Variants in RYR3 observed in about 807,000 individuals in gnomAD.
The protein encoded by RYR3 is ryanodine receptor 3.
RYR3 carries 207 observed loss-of-function variants against 584.3 expected under a neutral mutation model. That is an observed-to-expected ratio of 0.35 (90% CI 0.32 to 0.40). RYR3 has a LOEUF of 0.40. Ranked by LOEUF, RYR3 falls within the 10% of genes least tolerant of loss-of-function variation. RYR3 has a pLI of 1.00. For missense variants in RYR3, 5,616 were observed against 6,089.2 expected (o/e 0.92, Z 2.59); for synonymous variants, 2,416 against 2,248.5 (o/e 1.07, Z -2.11).
At chr15:33,688,302 G>C (rs545400093) in intron 38 of RYR3, among the ~76,000 whole-genome samples, 6 of 152,176 alleles carry the variant, frequency 3.9e-5, no homozygotes, top group African/African-American at 1.4e-4. Flanking sequence ...GGCTGGGCAC[G>C]GTGGCTCACA....
chr15:33,769,117 G>C lies in RYR3; in HGVS notation c.8761G>C (p.Asp2921His). 1.2e-6 allele frequency: 2 copies of C among 1,611,844 alleles called. No individual in the cohort carries two copies. The highest frequency in any genetic ancestry group is 1.7e-6 in the Non-Finnish European group (2 of 1,177,986). The change falls in exon 62 of 104, where the codon GAT (aspartate) becomes CAT (histidine). Residue 2921 changes from aspartate (D) to histidine (H), a missense_variant. Asp to His is a moderately conservative substitution (Grantham distance 81, BLOSUM62 -1). Transcript: ENST00000634891. ...GATGATTTTTTTTATTCCAGGTAGT[G>C]ATTCTACTACAATGGTGAGCTGTCT... Reference protein sequence around the residue: ...VRHRISLFGSDSTTMVSCLHI... With the variant: ...VRHRISLFGSHSTTMVSCLHI...
chr15:33,502,932 ATAAAG>A (rs1272000985), intron 2 of RYR3, among the ~76,000 whole-genome samples: 3 of 152,236 alleles, frequency 2.0e-5, no homozygotes, highest in Non-Finnish European at 1.5e-5. Context: ...AGTACCTGGC[ATAAAG>A]TACTCAATAA....
At chr15:33,793,530 G>A (rs59889979) in intron 67 of RYR3, among the ~76,000 whole-genome samples, 7,928 of 151,980 alleles carry the variant, frequency 0.052, 692 homozygotes, top group African/African-American at 0.18. Context: ...AAAGGGGCTC[G>A]TTATATATAA....
chr15:33,569,503 C>G (rs916493858), intron 12 of RYR3, among the ~76,000 whole-genome samples: 11 of 152,094 alleles, frequency 7.2e-5, no homozygotes, highest in Non-Finnish European at 1.6e-4. Context: ...AATATTTGTC[C>G]TTTTGTGTCT....
chr15:33,528,849 G>T (rs905228460), intron 3 of RYR3, among the ~76,000 whole-genome samples: 1 of 152,150 alleles, frequency 6.6e-6, no homozygotes, highest in African/African-American at 2.4e-5. Flanking sequence ...CAGCTTTTGG[G>T]GATCAGTGAC....
At chr15:33,547,326 C>A (rs2056323115) in intron 8 of RYR3, among the ~76,000 whole-genome samples, 1 of 152,040 alleles carries the variant, frequency 6.6e-6, no homozygotes, top group African/African-American at 2.4e-5. Flanking sequence ...AGTGTGGTAT[C>A]CTGGATTATA....
intron 43 of RYR3, among the ~76,000 whole-genome samples, chr15:33,707,409 A>C (rs993016773): frequency 5.3e-5 from 8 of 152,204 alleles, no homozygotes; most frequent in African/African-American, 1.9e-4. Context: ...ATGTACATCT[A>C]GATCCCTGGA....
intron 57 of RYR3, among the ~76,000 whole-genome samples, chr15:33,750,791 T>C (rs2071211791): frequency 6.6e-6 from 1 of 152,146 alleles, no homozygotes; most frequent in African/African-American, 2.4e-5. Context: ...GTTACATAGG[T>C]ATACACGTGC....
chr15:33,468,931 C>G (rs1269560155), intron 1 of RYR3, among the ~76,000 whole-genome samples: 3 of 152,132 alleles, frequency 2.0e-5, no homozygotes, highest in Non-Finnish European at 4.4e-5. Context: ...CGTAACTGCT[C>G]TATACAGGCT....
chr15:33,316,879 C>G (rs910418356), intron 1 of RYR3, among the ~76,000 whole-genome samples: 6 of 152,208 alleles, frequency 3.9e-5, no homozygotes, highest in African/African-American at 1.4e-4. Flanking sequence ...CCCTCCATCC[C>G]AGAGCTGTTG....
chr15:33,651,858 G>A lies in RYR3; in HGVS notation c.4143-860G>A, dbSNP rs566914137. On this transcript the variant is annotated intron_variant, in intron 31 of 103. Coordinates refer to ENST00000634891, the MANE Select transcript of RYR3 (RefSeq NM_001036.6). ...CAAGGGACCAGGTGCCTGAGCTGAC[G>A]TACACCAGTGTGGGCTTAGAAGAAG... Among the ~76,000 whole-genome samples, 19 of 152,296 alleles carry A rather than the reference G, an allele frequency of 1.2e-4. 1 individual carries two copies. Among genetic ancestry groups the A allele is most frequent in the Middle Eastern group, 3.4e-3 (1 of 294 alleles).
intron 27 of RYR3, among the ~76,000 whole-genome samples, chr15:33,641,811 C>A (rs2061842750): frequency 6.6e-6 from 1 of 152,172 alleles, no homozygotes; most frequent in African/African-American, 2.4e-5. Context: ...ATGGAGTGTG[C>A]AACTCTCCCT....
chr15:33,786,518 G>C (rs1051750524), intron 66 of RYR3, among the ~76,000 whole-genome samples: 15 of 149,246 alleles, frequency 1.0e-4, no homozygotes, highest in Non-Finnish European at 1.9e-4. Context: ...AAAGTTACTT[G>C]CACACAGCCA....
intron 1 of RYR3, among the ~76,000 whole-genome samples, chr15:33,388,280 G>A (rs1033753405): frequency 6.6e-6 from 1 of 152,180 alleles, no homozygotes; most frequent in East Asian, 1.9e-4. Context: ...TCAGGCAAGT[G>A]TAAGAATAGA....
intron 1 of RYR3, among the ~76,000 whole-genome samples, chr15:33,320,271 C>T (rs986893069): frequency 2.0e-5 from 3 of 152,146 alleles, no homozygotes; most frequent in African/African-American, 7.2e-5. Context: ...GATTGGCAGG[C>T]AGACAGATTA....
intron 60 of RYR3, among the ~76,000 whole-genome samples, chr15:33,758,921 T>C (rs1163140613): frequency 2.6e-5 from 4 of 152,182 alleles, no homozygotes; most frequent in African/African-American, 9.6e-5. Context: ...CAGGTTCCCC[T>C]CTGAGACAAA....
At chr15:33,493,316 C>A (rs551993058) in intron 2 of RYR3, among the ~76,000 whole-genome samples, 1 of 152,274 alleles carries the variant, frequency 6.6e-6, no homozygotes, top group South Asian at 2.1e-4. Flanking sequence ...CTCCTGGCCT[C>A]TGCTATTTTT....
rs558020916 is a variant in RYR3 at position 33,482,232 on chromosome 15, TTTC to T, written c.171+8703_171+8705del. On this transcript the variant is annotated intron_variant, in intron 2 of 103. Coordinates refer to ENST00000634891, the MANE Select transcript of RYR3 (RefSeq NM_001036.6). ...GATAAAAAATCATTATTTAGTTTTT[TTTC>T]TTCTTCTTGCAGCACTTTGAAGATG... 4.5e-4 allele frequency among the ~76,000 whole-genome samples: 68 copies of T among 152,322 alleles called. 2 individuals carry two copies. In the South Asian group the frequency reaches 9.9e-3, roughly 22 times the overall value.
At chr15:33,684,327 T>C (rs1259298003) in intron 38 of RYR3, among the ~76,000 whole-genome samples, 1 of 152,174 alleles carries the variant, frequency 6.6e-6, no homozygotes, top group African/African-American at 2.4e-5. Flanking sequence ...TTCTGCAGCC[T>C]CCACTGGTGA....
Sources: allele counts gnomAD v4.1 joint callset (sites outside exome capture counted in the v4.1 genomes callset), GRCh38; gene constraint gnomAD v4.1.1; transcripts MANE v1.5; gene names NCBI Gene and HGNC (gene_info 2026-07-23, HGNC 2026-07-21).